NYAP2: variants seen among roughly 807,000 people sequenced by gnomAD.
NYAP2 encodes neuronal tyrosine-phosphorylated phosphoinositide-3-kinase adapter 2.
NYAP2 carries 23 observed loss-of-function variants against 50.4 expected under a neutral mutation model. The observed-to-expected ratio is 0.46, with a 90% CI of 0.33 to 0.65. The LOEUF is 0.65. NYAP2 is among the 30% of genes least tolerant of loss of function. The pLI, the probability that NYAP2 is intolerant of heterozygous loss-of-function variation, is 0.02. For synonymous variants in NYAP2, 394 were observed against 365.2 expected (o/e 1.08, Z -0.90); for missense variants, 885 against 861.0 (o/e 1.03, Z -0.35).
the NYAP2 span, among the ~76,000 whole-genome samples, chr2:225,673,850 T>A: frequency 6.6e-6 from 1 of 152,094 alleles, no homozygotes; most frequent in Non-Finnish European, 1.5e-5. Context: ...GCAGGGAGTA[T>A]GAAAAGAACA....
At chr2:225,660,833 A>T in the NYAP2 span, among the ~76,000 whole-genome samples, 37 of 152,136 alleles carry the variant, frequency 2.4e-4, no homozygotes. Flanking sequence ...TAATCTTGCA[A>T]TTTTAGGTTC....
the NYAP2 span, among the ~76,000 whole-genome samples, chr2:225,679,362 T>C: frequency 6.6e-6 from 1 of 152,152 alleles, no homozygotes; most frequent in African/African-American, 2.4e-5. Flanking sequence ...CCTACAATGT[T>C]CATTAATGCA....
intron 5 of NYAP2, among the ~76,000 whole-genome samples, chr2:225,623,004 A>C (rs1170135863): frequency 6.6e-6 from 1 of 152,232 alleles, no homozygotes; most frequent in Non-Finnish European, 1.5e-5. Flanking sequence ...TTCATCATTA[A>C]TGATTAATAA....
chr2:225,673,423 C>T, the NYAP2 span, among the ~76,000 whole-genome samples: 1 of 151,842 alleles, frequency 6.6e-6, no homozygotes, highest in Non-Finnish European at 1.5e-5. Flanking sequence ...TGACAACAGA[C>T]TTGCTTGACA....
At chr2:225,548,886 A>ATTT (rs11346817) in intron 4 of NYAP2, among the ~76,000 whole-genome samples, 29,488 of 146,438 alleles carry the variant, frequency 0.2, 2,908 homozygotes, top group African/African-American at 0.23. Context: ...GAATGCAGCA[A>ATTT]TTTTTTTTTT....
At chr2:225,641,312 CT>C (rs1402651746) in intron 6 of NYAP2, among the ~76,000 whole-genome samples, 1 of 152,022 alleles carries the variant, frequency 6.6e-6, no homozygotes, top group African/African-American at 2.4e-5. Flanking sequence ...CTGAATTATG[CT>C]AGGCATTTAC....
chr2:225,551,849 G>A (rs868144217), intron 4 of NYAP2, among the ~76,000 whole-genome samples: 2 of 152,164 alleles, frequency 1.3e-5, no homozygotes, highest in African/African-American at 2.4e-5. Flanking sequence ...TTTTACTCTT[G>A]TTGCCTAGGC....
At chr2:225,608,213 T>C (rs1300711991) in intron 5 of NYAP2, among the ~76,000 whole-genome samples, 2 of 152,170 alleles carry the variant, frequency 1.3e-5, no homozygotes, top group East Asian at 3.9e-4. Context: ...GTTTTATATT[T>C]CTGCATTTTT....
intron 3 of NYAP2, among the ~76,000 whole-genome samples, chr2:225,427,372 A>G (rs993703504): frequency 6.6e-6 from 1 of 152,226 alleles, no homozygotes; most frequent in East Asian, 1.9e-4. Flanking sequence ...TCCTTTTAAT[A>G]TCACAGTTTC....
chr2:225,620,660 T>C (rs2106253531), intron 5 of NYAP2, among the ~76,000 whole-genome samples: 1 of 152,322 alleles, frequency 6.6e-6, no homozygotes, highest in Non-Finnish European at 1.5e-5. Flanking sequence ...AATCCTTTTG[T>C]TCAAGTTTCT....
intron 3 of NYAP2, among the ~76,000 whole-genome samples, chr2:225,491,958 A>G (rs959159424): frequency 1.3e-5 from 2 of 152,208 alleles, no homozygotes; most frequent in Non-Finnish European, 2.9e-5. Context: ...CTAAGAAACC[A>G]GGAGATGATG....
intron 3 of NYAP2, among the ~76,000 whole-genome samples, chr2:225,410,153 G>C (rs1399939553): frequency 6.6e-6 from 1 of 152,002 alleles, no homozygotes; most frequent in Non-Finnish European, 1.5e-5. Flanking sequence ...ACTTTATGGA[G>C]AGAGAGAGAT....
At chr2:225,493,356 G>C (rs187637735) in intron 3 of NYAP2, among the ~76,000 whole-genome samples, 2 of 152,166 alleles carry the variant, frequency 1.3e-5, no homozygotes, top group African/African-American at 4.8e-5. Context: ...TTAGTGAATA[G>C]TGATGTTGCC....
chr2:225,638,643 G>A (rs977004098), intron 6 of NYAP2, among the ~76,000 whole-genome samples: 1 of 152,162 alleles, frequency 6.6e-6, no homozygotes, highest in African/African-American at 2.4e-5. Context: ...GTCTCCAGGT[G>A]AGAGATGGCC....
chr2:225,653,825 C>T (rs1693778102), exon 7 of NYAP2: 1 of 152,166 alleles, frequency 6.6e-6, no homozygotes, highest in Non-Finnish European at 1.5e-5. Context: ...TGAGACCATC[C>T]TGGCTAACAC....
chr2:225,469,127 G>C (rs970444386), intron 3 of NYAP2, among the ~76,000 whole-genome samples: 1 of 152,092 alleles, frequency 6.6e-6, no homozygotes, highest in Non-Finnish European at 1.5e-5. Flanking sequence ...GTCTGACAAA[G>C]GGCTAATATC....
chr2:225,530,972 G>T (rs1001914742), intron 4 of NYAP2, among the ~76,000 whole-genome samples: 1 of 152,122 alleles, frequency 6.6e-6, no homozygotes, highest in Non-Finnish European at 1.5e-5. Context: ...CTGGACAATT[G>T]CATGGGCACC....
At chr2:225,650,698 C>G (rs1481357298) in intron 6 of NYAP2, among the ~76,000 whole-genome samples, 1 of 152,198 alleles carries the variant, frequency 6.6e-6, no homozygotes. Flanking sequence ...CTTTCTATGA[C>G]TTGTTTTTCC....
the NYAP2 span, among the ~76,000 whole-genome samples, chr2:225,687,081 G>C: frequency 6.6e-6 from 1 of 152,096 alleles, no homozygotes; most frequent in African/African-American, 2.4e-5. Context: ...CTATAATACT[G>C]AGTGCAGTTT....
Sources: allele counts gnomAD v4.1 joint callset (sites outside exome capture counted in the v4.1 genomes callset), GRCh38; gene constraint gnomAD v4.1.1; transcripts MANE v1.5; gene names NCBI Gene and HGNC (gene_info 2026-07-23, HGNC 2026-07-21).